Variants in WFDC13 observed in about 807,000 individuals in gnomAD.
WFDC13 encodes the protein WAP four-disulfide core domain 13, also known as WAP four-disulfide core domain protein 13.
WFDC13 carries 6 observed loss-of-function variants against 10.9 expected under a neutral mutation model. The observed-to-expected ratio is 0.55, with a 90% confidence interval of 0.30 to 1.09. WFDC13 has a LOEUF of 1.09. WFDC13 is among the 50% of genes least tolerant of loss of function. The pLI is 0.06. For synonymous variants in WFDC13, 38 were observed against 39.5 expected (o/e 0.96, Z 0.14); for missense variants, 104 against 109.6 (o/e 0.95, Z 0.23).
At position 45,707,865 on chromosome 20, in the gene WFDC13, C is replaced by A. The variant is rs925529241; in HGVS notation, c.*30C>A. The A allele has an allele frequency of 1.3e-5, 2 of 152,210 alleles. No homozygotes were observed. Among genetic ancestry groups the A allele is most frequent in the Non-Finnish European group, 2.9e-5 (2 of 68,038 alleles). The allele number at this position is 152,210 out of a possible 1,614,324, so 9.4% of individuals were successfully genotyped here. Reference sequence around the variant, plus strand: ...ATCTTTCCTTCCCCACAGGCCTCTACGATGTTTTTTCTTGGTCCACCTTTA... The same window carrying A: ...ATCTTTCCTTCCCCACAGGCCTCTAAGATGTTTTTTCTTGGTCCACCTTTA... On this transcript the variant is annotated 3_prime_UTR_variant, in exon 4 of 4. Coordinates refer to ENST00000305479, the MANE Select transcript of WFDC13 (RefSeq NM_172005.2).
rs148059279 is a variant in WFDC13 at position 45,705,842 on chromosome 20, G to A, written c.240-21G>A. The A allele has an allele frequency of 2.9e-5, 47 of 1,609,498 alleles. No homozygotes were observed. The African/African-American group carries it at 3.7e-4, about 13-fold the overall frequency. On this transcript the variant is annotated intron_variant, in intron 2 of 3. Transcript: ENST00000305479. ...AGTAAAACTTCACTAGTTAATATTT[G>A]AAAATATTTTTCTTCTACAGAATCA...
intron 1 of WFDC13, among the ~76,000 whole-genome samples, chr20:45,703,594 G>C (rs896919238): frequency 6.6e-6 from 1 of 152,154 alleles, no homozygotes; most frequent in African/African-American, 2.4e-5. Flanking sequence ...AAGGGCTTGG[G>C]GAAAGGGATT....
chr20:45,706,457 A>G (rs2145647044), intron 3 of WFDC13, among the ~76,000 whole-genome samples: 1 of 152,322 alleles, frequency 6.6e-6, no homozygotes, highest in Non-Finnish European at 1.5e-5. Flanking sequence ...TCACTCATTC[A>G]GGTTCCAGTT....
chr20:45,705,477 C>G (rs1568676468), intron 2 of WFDC13, among the ~76,000 whole-genome samples: 1 of 152,222 alleles, frequency 6.6e-6, no homozygotes, highest in East Asian at 1.9e-4. Flanking sequence ...CTTAGACAAG[C>G]TAATTAACCT....
At chr20:45,706,700 A>G (rs1158312716) in intron 3 of WFDC13, among the ~76,000 whole-genome samples, 7 of 150,684 alleles carry the variant, frequency 4.6e-5, no homozygotes, top group African/African-American at 1.7e-4. Flanking sequence ...TGAACCCAGG[A>G]GGCAGAGGTT....
rs372430539 is a variant in WFDC13 at position 45,703,555 on chromosome 20, A to T, written c.89-889A>T. On this transcript the variant is annotated intron_variant, in intron 1 of 3. Transcript: ENST00000305479. ...GACTTTTGCCCCCAAAGAAAGGGAG[A>T]ATCACAAGGTACAAAAATTAGGACC... Among the ~76,000 whole-genome samples the T allele has an allele frequency of 3.3e-5, 5 of 152,268 alleles. No homozygotes were observed. In the South Asian group the frequency reaches 1.0e-3, roughly 32 times the overall value.
At chr20:45,704,959 AC>A (rs1406367509) in intron 2 of WFDC13, 1 of 1,613,996 alleles carries the variant, frequency 6.2e-7, no homozygotes, top group Non-Finnish European at 8.5e-7. Context: ...TTTGTCCTAC[AC>A]TTTTGCTTGC....
rs368775627 is a variant in WFDC13, at chr20:45,704,920, G to T, written c.239+326G>T. ...CCCTTATCCCAGGGACACTGTACCT[G>T]CAGGTGTAACCAAAATCCCAAAGCA... On this transcript the variant is annotated intron_variant, in intron 2 of 3. Transcript: ENST00000305479. 9.3e-6 allele frequency: 15 copies of T among 1,613,820 alleles called. No homozygotes were observed. The African/African-American group carries it at 2.0e-4, about 22-fold the overall frequency.
In WFDC13 at chr20:45,703,132, G is replaced by A. The variant is rs149768872; in HGVS notation, c.88+921G>A. ...TGGTAAATGCTGTGAGTGAAGTTGG[G>A]ACCAGATACCCAGAAGAGGGGTCAA... On this transcript the variant is annotated intron_variant, in intron 1 of 3. Transcript: ENST00000305479. Among the ~76,000 whole-genome samples, 105 of 152,282 alleles carry A rather than the reference G, an allele frequency of 6.9e-4. No individual in the cohort carries two copies. In the South Asian group the frequency reaches 0.01, roughly 15 times the overall value.
chr20:45,705,309 G>C (rs1984348550), intron 2 of WFDC13: 1 of 365,100 alleles, frequency 2.7e-6, no homozygotes, highest in Admixed American at 4.1e-5. Context: ...CAACCAATGA[G>C]CCCTTTGAGG....
rs1984375386 is a variant in WFDC13 at position 45,705,993 on chromosome 20, G to A, written c.*22+66G>A. Reference sequence around the variant, plus strand: ...TCCCAGGGATGCTCACTTTCTTCCTGTAGCCTCACCAGGGGCACTACATTC... The same window carrying A: ...TCCCAGGGATGCTCACTTTCTTCCTATAGCCTCACCAGGGGCACTACATTC... On this transcript the variant is annotated intron_variant, in intron 3 of 3. Coordinates refer to ENST00000305479, the MANE Select transcript of WFDC13 (RefSeq NM_172005.2). 6 of 1,414,124 alleles carry A rather than the reference G, an allele frequency of 4.2e-6. No individual in the cohort carries two copies. In the Admixed American group the frequency reaches 8.6e-5, roughly 20 times the overall value. The allele number at this position is 1,414,124 out of a possible 1,614,324, so 87.6% of individuals were successfully genotyped here. A position where few individuals can be genotyped will look rare whatever the true frequency, so the allele number is the denominator to read the frequency against.
chr20:45,703,512 A>G (rs559531681), intron 1 of WFDC13, among the ~76,000 whole-genome samples: 1 of 152,330 alleles, frequency 6.6e-6, no homozygotes, highest in East Asian at 1.9e-4. Context: ...TCTATTTGCA[A>G]TAGAATGCCC....
Position 45,704,497 on chromosome 20 carries a change from C to G in WFDC13, c.142C>G (p.Leu48Val). ...CISAPENCTH[L>V]CTMQEDCEKG... The stretch of plus-strand genomic sequence containing the variant: ...ATCAGCACCTGAAAACTGTACTCAC[C>G]TGTGTACAATGCAGGAAGATTGCGA... The change falls in exon 2 of 4, where the codon CTG (leucine) becomes GTG (valine). Residue 48 changes from leucine (L) to valine (V), a missense_variant. By Grantham distance (32) the Leu-to-Val change is conservative (BLOSUM62 1). Coordinates refer to ENST00000305479, the MANE Select transcript of WFDC13 (RefSeq NM_172005.2). The G allele has an allele frequency of 3.1e-6, 5 of 1,614,162 alleles. No individual in the cohort carries two copies. Among genetic ancestry groups the G allele is most frequent in the Non-Finnish European group, 4.2e-6 (5 of 1,180,020 alleles).
chr20:45,705,276 CAA>C (rs1278040014), intron 2 of WFDC13: 3 of 433,362 alleles, frequency 6.9e-6, no homozygotes, highest in Non-Finnish European at 1.3e-5. Context: ...TATGAAATTT[CAA>C]AAGACTCACA....
intron 1 of WFDC13, 113 bp downstream of exon 1, chr20:45,702,324 C>A: frequency 3.6e-6 from 4 of 1,102,952 alleles, no homozygotes; most frequent in Non-Finnish European, 5.3e-6. Context: ...TGTTCAAGGG[C>A]CCAAGCTTTA....
At chr20:45,705,746 G>T in intron 2 of WFDC13, 117 bp from the exon 3 acceptor site, 1 of 943,844 alleles carries the variant, frequency 1.1e-6, no homozygotes, top group Non-Finnish European at 1.6e-6. Context: ...CTTCCCTATG[G>T]CAAGAGAAAT....
At chr20:45,705,691 C>T (rs2145646543) in intron 2 of WFDC13, among the ~76,000 whole-genome samples, 172 bp from the exon 3 acceptor site, 1 of 152,186 alleles carries the variant, frequency 6.6e-6, no homozygotes, top group East Asian at 1.9e-4. Context: ...AATGCAGAAG[C>T]ATAAATATAA....
rs1984480133 is a variant in WFDC13, at chr20:45,708,381, TAAGGTGC to T, written c.*547_*553del. On this transcript the variant is annotated 3_prime_UTR_variant, in exon 4 of 4. Coordinates refer to ENST00000305479, the MANE Select transcript of WFDC13 (RefSeq NM_172005.2). Reference sequence around the variant, plus strand: ...TGGATCAGTGACTAAGAGGCTGCAATAAGGTGCCATGAAATCAAAATCAAAGGGCTAG... The same window carrying T: ...TGGATCAGTGACTAAGAGGCTGCAATCATGAAATCAAAATCAAAGGGCTAG... The T allele has an allele frequency of 1.3e-5, 2 of 151,960 alleles. No homozygotes were observed. Among genetic ancestry groups the T allele is most frequent in the African/African-American group, 2.4e-5 (1 of 41,196 alleles). 9.4% of individuals were successfully genotyped at this position (151,960 alleles called of 1,614,324 possible).
At chr20:45,705,430 CA>C (rs1299563401) in intron 2 of WFDC13, among the ~76,000 whole-genome samples, 3 of 152,214 alleles carry the variant, frequency 2.0e-5, no homozygotes, top group Non-Finnish European at 2.9e-5. Context: ...CACCTGGGCT[CA>C]AATCCTGGCT....
Sources: allele counts gnomAD v4.1 joint callset (sites outside exome capture counted in the v4.1 genomes callset), GRCh38; gene constraint gnomAD v4.1.1; transcripts MANE v1.5; gene names NCBI Gene and HGNC (gene_info 2026-07-23, HGNC 2026-07-21).